SLC9B2: variants seen among roughly 807,000 people sequenced by gnomAD.
SLC9B2 encodes sodium/hydrogen exchanger 9B2.
In SLC9B2, 39 loss-of-function variants were observed where a neutral mutation model predicts 52.2. That is an observed-to-expected ratio of 0.75 (90% CI 0.58 to 0.98). SLC9B2 has a LOEUF of 0.98. SLC9B2 is among the 50% of genes least tolerant of loss of function. SLC9B2 has a pLI of 0.00. For synonymous variants in SLC9B2, 214 were observed against 227.0 expected (o/e 0.94, Z 0.51); for missense variants, 626 against 637.5 (o/e 0.98, Z 0.19).
intron 10 of SLC9B2, among the ~76,000 whole-genome samples, 159 bp from the exon 11 acceptor site, chr4:103,029,042 T>C (rs1742469441): frequency 6.6e-6 from 1 of 152,064 alleles, no homozygotes; most frequent in Non-Finnish European, 1.5e-5. Flanking sequence ...AAACAATCAA[T>C]ATTAAGGATC....
At chr4:103,048,718 G>A (rs1344087195) in intron 6 of SLC9B2, 175 bp downstream of exon 6, 13 of 755,066 alleles carry the variant, frequency 1.7e-5, no homozygotes, top group Middle Eastern at 4.2e-4. Context: ...AAGAGTTAGC[G>A]CCTATTAACA....
chr4:103,036,473 C>T (rs187862986), intron 9 of SLC9B2, among the ~76,000 whole-genome samples: 29 of 152,006 alleles, frequency 1.9e-4, no homozygotes, highest in Admixed American at 1.5e-3. Flanking sequence ...CATCATTTAT[C>T]CATGTAACAA....
At chr4:103,036,133 G>A (rs1743150942) in intron 9 of SLC9B2, among the ~76,000 whole-genome samples, 1 of 152,012 alleles carries the variant, frequency 6.6e-6, no homozygotes, top group Non-Finnish European at 1.5e-5. Context: ...ACAAGAACAA[G>A]CAATGTGGCA....
intron 3 of SLC9B2, among the ~76,000 whole-genome samples, chr4:103,065,012 T>C (rs1015853315): frequency 4.6e-5 from 7 of 151,792 alleles, no homozygotes; most frequent in Admixed American, 4.6e-4. Flanking sequence ...CCCTTGAGCT[T>C]AGGAGTTCAA....
chr4:103,033,380 C>A (rs1409298971), intron 9 of SLC9B2, among the ~76,000 whole-genome samples: 2 of 152,052 alleles, frequency 1.3e-5, no homozygotes, highest in Non-Finnish European at 2.9e-5. Context: ...ACAAGGATGC[C>A]CACTTTCACC....
intron 3 of SLC9B2, 33 bp downstream of exon 3, chr4:103,066,294 T>C (rs759078486): frequency 2.5e-6 from 4 of 1,588,380 alleles, no homozygotes; most frequent in Admixed American, 3.6e-5. Flanking sequence ...AACAACTTCA[T>C]CTTTTGCCAT....
downstream of SLC9B2, chr4:103,019,820 C>T: frequency 1.3e-5 from 13 of 985,644 alleles, no homozygotes; most frequent in Non-Finnish European, 1.6e-5. Context: ...CTGGGACTGT[C>T]TGGTGTGTTT....
At chr4:103,049,486 G>T (rs1296004171) in intron 5 of SLC9B2, among the ~76,000 whole-genome samples, 5 of 151,886 alleles carry the variant, frequency 3.3e-5, no homozygotes, top group African/African-American at 4.8e-5. Context: ...AAACATACAT[G>T]AAAAAAAAGC....
At chr4:103,052,882 G>GT (rs1466545394) in intron 4 of SLC9B2, among the ~76,000 whole-genome samples, 1 of 151,970 alleles carries the variant, frequency 6.6e-6, no homozygotes, top group Non-Finnish European at 1.5e-5. Context: ...TGAAATGAAC[G>GT]TGACAGCAGC....
At chr4:103,074,671 C>A (rs1746955667) in intron 1 of SLC9B2, among the ~76,000 whole-genome samples, 1 of 152,208 alleles carries the variant, frequency 6.6e-6, no homozygotes, top group Non-Finnish European at 1.5e-5. Context: ...TTCCCCTCCT[C>A]TACCCTGAAG....
chr4:103,026,215 C>T lies in SLC9B2; in HGVS notation c.*155G>A. On this transcript the variant is annotated 3_prime_UTR_variant, in exon 12 of 12. Coordinates refer to ENST00000394785, the MANE Select transcript of SLC9B2 (RefSeq NM_178833.7). ...TGGTGATATAGATCATTACCACCCA[C>T]ATGGAAAGAGCAAGGGCTAAAAATG... is the stretch of plus-strand genomic sequence containing the variant. 1 of 639,210 alleles carries T rather than the reference C, an allele frequency of 1.6e-6. No individual in the cohort carries two copies. Among genetic ancestry groups the T allele is most frequent in the South Asian group, 2.3e-5 (1 of 42,810 alleles). The allele number at this position is 639,210 out of a possible 1,614,324, so 39.6% of individuals were successfully genotyped here.
At position 103,058,121 on chromosome 4, in the gene SLC9B2, C is replaced by A. The variant is rs78786911; in HGVS notation, c.272-150G>T. Reference sequence around the variant, plus strand: ...TCTGTAAAGAGTATCAGTAAGATGACCAACTGGGTAACTGCCAACATCTTA... The same window carrying A: ...TCTGTAAAGAGTATCAGTAAGATGAACAACTGGGTAACTGCCAACATCTTA... On this transcript the variant is annotated intron_variant, in intron 3 of 11. Coordinates refer to ENST00000394785, the MANE Select transcript of SLC9B2 (RefSeq NM_178833.7). 4.5e-3 allele frequency: 3,355 copies of A among 741,658 alleles called. 58 individuals carry two copies. Among genetic ancestry groups the A allele is most frequent in the African/African-American group, 0.04 (2,216 of 55,608 alleles). 45.9% of individuals were successfully genotyped at this position (741,658 alleles called of 1,614,324 possible). A position where few individuals can be genotyped will look rare whatever the true frequency, so the allele number is the denominator to read the frequency against.
At chr4:103,046,244 T>C (rs1170260527) in intron 7 of SLC9B2, among the ~76,000 whole-genome samples, 1 of 152,226 alleles carries the variant, frequency 6.6e-6, no homozygotes, top group Non-Finnish European at 1.5e-5. Flanking sequence ...ATTACAATTA[T>C]ACTTTGTCAA....
chr4:103,039,413 T>C (rs1208844150), intron 9 of SLC9B2, among the ~76,000 whole-genome samples: 2 of 152,150 alleles, frequency 1.3e-5, no homozygotes, highest in Non-Finnish European at 2.9e-5. Context: ...GTAAAAGCTG[T>C]AGTGTTGAGA....
chr4:103,047,189 G>C lies in SLC9B2; in HGVS notation c.751C>G (p.Pro251Ala). The change falls in exon 7 of 12, where the codon CCT becomes GCT. Residue 251 changes from proline to alanine, a missense_variant. Physicochemically the swap from Pro to Ala is conservative, Grantham distance 27. Transcript: ENST00000394785. ...CCTCCCTGCAAAAGGAGCATTGAAGGCACCACAACAGCTGGAGATACAGCA... is the reference window on the plus strand; with the variant it reads ...CCTCCCTGCAAAAGGAGCATTGAAGCCACCACAACAGCTGGAGATACAGCA... ...LGAVSPAVVV[P>A]SMLLLQGGGY... The C allele has an allele frequency of 1.9e-6, 3 of 1,613,696 alleles. No individual in the cohort carries two copies. Among genetic ancestry groups the C allele is most frequent in the Non-Finnish European group, 1.7e-6 (2 of 1,179,808 alleles).
intron 4 of SLC9B2, among the ~76,000 whole-genome samples, chr4:103,053,752 GAGTGC>G (rs1463642867): frequency 1.3e-5 from 2 of 151,954 alleles, no homozygotes; most frequent in East Asian, 3.9e-4. Flanking sequence ...CACCAGGCTG[GAGTGC>G]AGTGGTGCGG....
At chr4:103,047,319 G>T in intron 6 of SLC9B2, 93 bp from the exon 7 acceptor site, 2 of 1,013,894 alleles carry the variant, frequency 2.0e-6, no homozygotes, top group Non-Finnish European at 2.7e-6. Flanking sequence ...GGTTATACTT[G>T]GACAACAACA....
intron 3 of SLC9B2, 139 bp from the exon 4 acceptor site, chr4:103,058,110 C>T: frequency 1.2e-6 from 1 of 820,256 alleles, no homozygotes; most frequent in Non-Finnish European, 1.9e-6. Flanking sequence ...TAAAGAGTAT[C>T]AGTAAGATGA....
At chr4:103,071,236 C>T (rs1038401860) in intron 1 of SLC9B2, among the ~76,000 whole-genome samples, 4 of 151,882 alleles carry the variant, frequency 2.6e-5, no homozygotes, top group Admixed American at 2.6e-4. Flanking sequence ...TGGATTCTCG[C>T]TCTGTCACCC....
Sources: gnomAD v4.1 joint callset for allele counts (sites outside exome capture counted in the v4.1 genomes callset) on GRCh38, gnomAD v4.1.1 for gene constraint, MANE v1.5 for transcripts, NCBI Gene and HGNC (gene_info 2026-07-23, HGNC 2026-07-21) for gene names.